Variants in PFDN1 observed in about 807,000 individuals in gnomAD.
The protein encoded by PFDN1 is prefoldin subunit 1.
A neutral mutation model predicts 17.3 loss-of-function variants in PFDN1; 6 were observed. The ratio of observed to expected loss-of-function variants is 0.35; its 90% CI spans 0.19 to 0.69. PFDN1 has a LOEUF of 0.69. PFDN1 is among the 30% of genes least tolerant of loss of function. The pLI, the probability that PFDN1 is intolerant of heterozygous loss-of-function variation, is 0.65. For synonymous variants in PFDN1, 58 were observed against 50.1 expected, an observed-to-expected ratio of 1.16 and a Z score of -0.67; for missense variants, 113 against 146.2, an observed-to-expected ratio of 0.77 and a Z score of 1.17.
chr5:140,283,275 C>T (rs1302451075), intron 2 of PFDN1, among the ~76,000 whole-genome samples: 2 of 152,168 alleles, frequency 1.3e-5, no homozygotes, highest in African/African-American at 4.8e-5. Flanking sequence ...CTCTGTTGCC[C>T]AGGCTGGAGT....
rs74893289 is a variant in PFDN1, at chr5:140,289,361, A to G, written c.201-7828T>C. 9.6e-3 allele frequency among the ~76,000 whole-genome samples: 1,465 copies of G among 152,346 alleles called. 14 individuals carry two copies. The highest frequency in any genetic ancestry group is 0.015 in the Non-Finnish European group (1,032 of 68,030). On this transcript the variant is annotated intron_variant, in intron 2 of 3. Transcript: ENST00000261813. The stretch of plus-strand genomic sequence containing the variant: ...AAAATAAATAATGTAGTACTAGATT[A>G]TAACAGACATACAGCACCTAGACCC...
intron 3 of PFDN1, among the ~76,000 whole-genome samples, chr5:140,256,385 A>G (rs1764985655): frequency 6.7e-6 from 1 of 149,334 alleles, no homozygotes; most frequent in East Asian, 1.9e-4. Context: ...ATCTCAAACA[A>G]CAACAACAAC....
intron 1 of PFDN1, among the ~76,000 whole-genome samples, chr5:140,301,920 T>C (rs1765753889): frequency 6.6e-6 from 1 of 152,224 alleles, no homozygotes; most frequent in Non-Finnish European, 1.5e-5. Context: ...GATGAGCTAG[T>C]ATACTGTTAA....
intron 3 of PFDN1, among the ~76,000 whole-genome samples, chr5:140,248,228 T>C (rs9686454): frequency 0.48 from 72,624 of 151,456 alleles, 17,564 homozygotes; most frequent in South Asian, 0.69. Context: ...ACCACCACGC[T>C]GGCTAATTTT....
intron 2 of PFDN1, among the ~76,000 whole-genome samples, chr5:140,291,760 G>GA (rs1435475217): frequency 2.0e-5 from 3 of 152,154 alleles, no homozygotes; most frequent in Non-Finnish European, 4.4e-5. Flanking sequence ...AAAGGAAGCT[G>GA]AAAAGGAATG....
At chr5:140,286,741 G>A (rs2126696495) in intron 2 of PFDN1, among the ~76,000 whole-genome samples, 2 of 151,750 alleles carry the variant, frequency 1.3e-5, no homozygotes, top group South Asian at 4.2e-4. Context: ...GAGTAGCTAG[G>A]ATTATGGGTG....
intron 3 of PFDN1, among the ~76,000 whole-genome samples, chr5:140,246,368 C>T (rs1764829915): frequency 6.6e-6 from 1 of 152,216 alleles, no homozygotes. Context: ...ATGAAGTTAT[C>T]CCAGACAGAC....
intron 3 of PFDN1, among the ~76,000 whole-genome samples, chr5:140,247,393 G>C (rs540254253): frequency 7.9e-5 from 12 of 151,920 alleles, no homozygotes; most frequent in Middle Eastern, 3.4e-3. Flanking sequence ...TCCCTCCTCG[G>C]TCTCCCAAAG....
At chr5:140,253,604 G>A (rs1454062280) in intron 3 of PFDN1, among the ~76,000 whole-genome samples, 6 of 152,118 alleles carry the variant, frequency 3.9e-5, no homozygotes, top group Non-Finnish European at 2.9e-5. Flanking sequence ...ACAGAGCCAG[G>A]AGCGGCAACT....
intron 3 of PFDN1, among the ~76,000 whole-genome samples, chr5:140,278,976 T>A (rs1390848773): frequency 1.3e-5 from 2 of 151,716 alleles, no homozygotes; most frequent in Non-Finnish European, 2.9e-5. Context: ...ACATATTAAA[T>A]GCTGAAATAA....
At chr5:140,290,448 G>A (rs1236369842) in intron 2 of PFDN1, among the ~76,000 whole-genome samples, 3 of 152,156 alleles carry the variant, frequency 2.0e-5, no homozygotes, top group South Asian at 2.1e-4. Context: ...CAGGGCCAGC[G>A]TACCGAAATA....
intron 2 of PFDN1, among the ~76,000 whole-genome samples, chr5:140,296,493 T>C (rs1046073891): frequency 2.0e-5 from 3 of 151,850 alleles, no homozygotes; most frequent in Non-Finnish European, 4.4e-5. Flanking sequence ...AAGGAAAGAG[T>C]GAATGAGTCT....
rs150644899 is a variant in PFDN1, at chr5:140,251,710, ACT to A, written c.286-5655_286-5654del. On this transcript the variant is annotated intron_variant, in intron 3 of 3. Coordinates refer to ENST00000261813, the MANE Select transcript of PFDN1 (RefSeq NM_002622.5). ...TTGTGGGCCCTTGCCGTGATGACAA[ACT>A]CTGAGATTTCCTGTGGGGCTCAGCA... is the stretch of plus-strand genomic sequence containing the variant. Among the ~76,000 whole-genome samples the A allele has an allele frequency of 8.8e-3, 1,339 of 152,142 alleles. 17 individuals are homozygous for A. Among genetic ancestry groups the A allele is most frequent in the African/African-American group, 0.03 (1,263 of 41,494 alleles).
At chr5:140,262,945 G>C (rs894968397) in intron 3 of PFDN1, among the ~76,000 whole-genome samples, 1 of 152,056 alleles carries the variant, frequency 6.6e-6, no homozygotes, top group Non-Finnish European at 1.5e-5. Flanking sequence ...CTGGCAATAT[G>C]CTCAATCAGT....
intron 2 of PFDN1, among the ~76,000 whole-genome samples, chr5:140,294,896 A>C (rs1235730031): frequency 6.6e-6 from 1 of 152,004 alleles, no homozygotes; most frequent in Non-Finnish European, 1.5e-5. Context: ...TGGCAGATTT[A>C]TACCATTGTT....
chr5:140,274,052 A>C, intron 3 of PFDN1: 1 of 182,738 alleles, frequency 5.5e-6, no homozygotes, highest in Non-Finnish European at 1.0e-5. Flanking sequence ...TCAGGAGCTC[A>C]TCTCTAGATC....
At chr5:140,285,560 A>G (rs1020244320) in intron 2 of PFDN1, among the ~76,000 whole-genome samples, 2 of 152,022 alleles carry the variant, frequency 1.3e-5, no homozygotes, top group Non-Finnish European at 2.9e-5. Context: ...GCACATCCAC[A>G]TTGTGGACTG....
At chr5:140,249,305 T>A (rs1203148252) in intron 3 of PFDN1, among the ~76,000 whole-genome samples, 1 of 152,248 alleles carries the variant, frequency 6.6e-6, no homozygotes, top group Admixed American at 6.5e-5. Context: ...CAAGATGCTG[T>A]GAAGACCAAT....
intron 1 of PFDN1, 24 bp downstream of exon 1, chr5:140,303,017 C>T: frequency 6.3e-7 from 1 of 1,578,384 alleles, no homozygotes; most frequent in East Asian, 2.2e-5. Flanking sequence ...AGAAGACCTC[C>T]GCCTGCCAAA....
Sources: gnomAD v4.1 joint callset for allele counts (sites outside exome capture counted in the v4.1 genomes callset) on GRCh38, gnomAD v4.1.1 for gene constraint, MANE v1.5 for transcripts, NCBI Gene and HGNC (gene_info 2026-07-23, HGNC 2026-07-21) for gene names.